The following ERO1B variants were observed in gnomAD, a reference collection of about 807,000 sequenced individuals.
ERO1B encodes endoplasmic reticulum oxidoreductase 1 beta.
A neutral mutation model predicts 75.3 loss-of-function variants in ERO1B; 49 were observed. That is an observed-to-expected ratio of 0.65 (90% CI 0.52 to 0.83). ERO1B has a LOEUF of 0.83. Ranked by LOEUF, ERO1B falls within the 40% of genes least tolerant of loss-of-function variation. The pLI is 0.00. For missense variants in ERO1B, 512 were observed against 560.1 expected, an observed-to-expected ratio of 0.91 and a Z score of 0.87; for synonymous variants, 191 against 192.9, an observed-to-expected ratio of 0.99 and a Z score of 0.08.
chr1:236,240,364 T>C (rs539511654), intron 6 of ERO1B, among the ~76,000 whole-genome samples: 2 of 152,280 alleles, frequency 1.3e-5, no homozygotes, highest in South Asian at 4.1e-4. Context: ...AACAACTTAG[T>C]GTGCAAGCTC....
At position 236,249,929 on chromosome 1, in the gene ERO1B, A is replaced by G. The variant is rs143714137; in HGVS notation, c.387T>C (p.Asp129=). The change falls in exon 5 of 16, where the codon GAT becomes GAC. Residue 129 remains aspartate, a synonymous_variant. Coordinates refer to ENST00000354619, the MANE Select transcript of ERO1B (RefSeq NM_019891.4). ...CTCCCAGTTTATTAGCTTGCTCACA[A>G]TCTTCTAATTCTTTGGTATTGTTTG... The part of the protein sequence containing the change: ...KMANNTKELE[D]CEQANKLGAI... 9 of 1,604,860 alleles carry G rather than the reference A, an allele frequency of 5.6e-6. No individual in the cohort carries two copies. The African/African-American group carries it at 8.0e-5, about 14-fold the overall frequency.
chr1:236,246,334 AT>A (rs879791349), intron 5 of ERO1B, among the ~76,000 whole-genome samples: 36 of 148,066 alleles, frequency 2.4e-4, no homozygotes, highest in South Asian at 4.3e-4. Flanking sequence ...GCACCTGGCT[AT>A]TTTTTTTTTT....
intron 2 of ERO1B, among the ~76,000 whole-genome samples, chr1:236,265,503 C>A (rs1665414144): frequency 6.6e-6 from 1 of 152,082 alleles, no homozygotes; most frequent in Admixed American, 6.6e-5. Context: ...TTGTGTACAA[C>A]CCTAATTTGA....
Position 236,269,955 on chromosome 1 carries a change from T to C in ERO1B, c.142A>G (p.Ser48Gly). 2 of 1,603,440 alleles carry C rather than the reference T, an allele frequency of 1.2e-6. No homozygotes were observed. The highest frequency in any genetic ancestry group is 1.7e-6 in the Non-Finnish European group (2 of 1,170,664). ...VLDDCLCDID[S>G]IDNFNTYKIF... ...TTGTAGGTATTGAAGTTATCGATGC[T>C]GTCAATATCACACAAGCAATCATCC... is the stretch of plus-strand genomic sequence containing the variant. Residue 48 changes from serine (S) to glycine (G), a missense_variant, in exon 2 of 16, where the codon AGC (serine) becomes GGC (glycine). By Grantham distance (56) the Ser-to-Gly change is moderately conservative. Transcript: ENST00000354619.
intron 2 of ERO1B, among the ~76,000 whole-genome samples, chr1:236,260,022 C>A (rs570806441): frequency 6.6e-6 from 1 of 152,122 alleles, no homozygotes; most frequent in Non-Finnish European, 1.5e-5. Flanking sequence ...TGAAATCATA[C>A]GAAGTATCTT....
intron 8 of ERO1B, among the ~76,000 whole-genome samples, chr1:236,233,530 G>A (rs12028390): frequency 0.067 from 10,120 of 150,932 alleles, 706 homozygotes; most frequent in East Asian, 0.39. Flanking sequence ...CCCAGGAGGC[G>A]GAGGTTGCAG....
chr1:236,257,055 T>A (rs1434289515), intron 2 of ERO1B, among the ~76,000 whole-genome samples: 1 of 152,194 alleles, frequency 6.6e-6, no homozygotes, highest in Non-Finnish European at 1.5e-5. Flanking sequence ...AGCACACATC[T>A]AACATCCCAA....
At position 236,242,104 on chromosome 1, in the gene ERO1B, G is replaced by A. The variant is rs561214613; in HGVS notation, c.505+1318C>T. Among the ~76,000 whole-genome samples, 222 of 151,214 alleles carry A rather than the reference G, an allele frequency of 1.5e-3. 1 individual carries two copies. The highest frequency in any genetic ancestry group is 4.7e-3 in the African/African-American group (192 of 41,176). Reference sequence around the variant, plus strand: ...AAAAATCGTTAACACTGTTTATACTGATGGCAGGTAATCTACATATCAATT... The same window carrying A: ...AAAAATCGTTAACACTGTTTATACTAATGGCAGGTAATCTACATATCAATT... On this transcript the variant is annotated intron_variant, in intron 6 of 15. Transcript: ENST00000354619.
intron 2 of ERO1B, among the ~76,000 whole-genome samples, chr1:236,266,537 G>A (rs1164555960): frequency 6.6e-6 from 1 of 151,928 alleles, no homozygotes; most frequent in Non-Finnish European, 1.5e-5. Flanking sequence ...CTGGGAGGCT[G>A]AGGTTGCAGT....
Position 236,217,905 on chromosome 1 carries a change from A to G in ERO1B, c.*611T>C, listed in dbSNP as rs1664036425. 6.6e-6 allele frequency: 1 copy of G among 152,176 alleles called. No individual in the cohort carries two copies. Among genetic ancestry groups the G allele is most frequent in the Non-Finnish European group, 1.5e-5 (1 of 67,996 alleles). 9.4% of individuals were successfully genotyped at this position (152,176 alleles called of 1,614,324 possible). A position where few individuals can be genotyped will look rare whatever the true frequency, so the allele number is the denominator to read the frequency against. On this transcript the variant is annotated 3_prime_UTR_variant, in exon 16 of 16. Coordinates refer to ENST00000354619, the MANE Select transcript of ERO1B (RefSeq NM_019891.4). ...ACAATTACAGCAACTAAAAACTGCA[A>G]ATAAAAACCAATGAAATTGAAGTCC...
Position 236,237,383 on chromosome 1 carries a change from G to A in ERO1B, c.506-985C>T, listed in dbSNP as rs188281460. Among the ~76,000 whole-genome samples, 800 of 152,168 alleles carry A rather than the reference G, an allele frequency of 5.3e-3. 11 individuals are homozygous for A. Among genetic ancestry groups the A allele is most frequent in the African/African-American group, 0.017 (708 of 41,500 alleles). ...ACCTGCCTCGGCCTCCCAAAGTGGC[G>A]GGATTACAGGTGTGAGCCACTGTGC... On this transcript the variant is annotated intron_variant, in intron 6 of 15. Coordinates refer to ENST00000354619, the MANE Select transcript of ERO1B (RefSeq NM_019891.4).
intron 5 of ERO1B, among the ~76,000 whole-genome samples, 159 bp downstream of exon 5, chr1:236,249,726 G>C (rs557041507): frequency 6.6e-6 from 1 of 152,046 alleles, no homozygotes; most frequent in Admixed American, 6.6e-5. Context: ...AAGAGGCAAA[G>C]CTATTATGAA....
At position 236,281,664 on chromosome 1, in the gene ERO1B, G is replaced by C; in HGVS notation, c.102+18C>G. 7.1e-7 allele frequency: 1 copy of C among 1,405,264 alleles called. No individual in the cohort carries two copies. Among genetic ancestry groups the C allele is most frequent in the Non-Finnish European group, 9.3e-7 (1 of 1,070,668 alleles). 87.0% of individuals were successfully genotyped at this position (1,405,264 alleles called of 1,614,324 possible). ...GTGTTCGGCCGGGGGTTCCCGGCCC[G>C]CTATCACTCGGGCTTACCTGCGCCT... is the stretch of plus-strand genomic sequence containing the variant. On this transcript the variant is annotated intron_variant, in intron 1 of 15. Coordinates refer to ENST00000354619, the MANE Select transcript of ERO1B (RefSeq NM_019891.4).
At chr1:236,249,640 A>G (rs1664967854) in intron 5 of ERO1B, among the ~76,000 whole-genome samples, 1 of 152,226 alleles carries the variant, frequency 6.6e-6, no homozygotes, top group Non-Finnish European at 1.5e-5. Context: ...TAGCTGAACA[A>G]TCTTGTAAAT....
At chr1:236,247,926 A>ATCACTTAGG (rs57621555) in intron 5 of ERO1B, among the ~76,000 whole-genome samples, 47,919 of 151,804 alleles carry the variant, frequency 0.32, 8,155 homozygotes, top group East Asian at 0.77. Context: ...ATGTTGTATT[A>ATCACTTAGG]TCTTCTCTGA....
chr1:236,263,778 CTTTTTTTTTTTTTTTTT>C, intron 2 of ERO1B, among the ~76,000 whole-genome samples: 1 of 80,296 alleles, frequency 1.2e-5, no homozygotes, highest in African/African-American at 5.2e-5. Context: ...ATTTTGTTTG[CTTTTTTTTTTTTTTTTT>C]TTTTTTTTTT....
At chr1:236,245,868 A>G (rs1664874549) in intron 5 of ERO1B, among the ~76,000 whole-genome samples, 1 of 151,834 alleles carries the variant, frequency 6.6e-6, no homozygotes, top group Admixed American at 6.6e-5. Context: ...CTAGGATTAC[A>G]GGCATGAGAC....
intron 2 of ERO1B, among the ~76,000 whole-genome samples, chr1:236,258,827 T>C (rs893426486): frequency 3.9e-5 from 6 of 152,190 alleles, no homozygotes; most frequent in African/African-American, 1.4e-4. Context: ...AGGCGGACGT[T>C]GCAGTGAGCC....
At chr1:236,276,551 C>T (rs1665713868) in intron 1 of ERO1B, among the ~76,000 whole-genome samples, 2 of 152,010 alleles carry the variant, frequency 1.3e-5, no homozygotes, top group African/African-American at 4.8e-5. Context: ...GAAAAAATGC[C>T]GCCAACAGGT....
Sources: allele counts gnomAD v4.1 joint callset (sites outside exome capture counted in the v4.1 genomes callset), GRCh38; gene constraint gnomAD v4.1.1; transcripts MANE v1.5; gene names NCBI Gene and HGNC (gene_info 2026-07-23, HGNC 2026-07-21).